Variants in RIOX1 observed in about 807,000 individuals in gnomAD.
RIOX1 encodes the protein 60S ribosomal protein L8 histidine hydroxylase.
A neutral mutation model predicts 44.6 loss-of-function variants in RIOX1; 33 were observed. The observed-to-expected ratio is 0.74, with a 90% CI of 0.56 to 0.99. The LOEUF (loss-of-function observed/expected upper bound fraction) is 0.99, where lower values mean the gene tolerates loss of function less well. Among genes scored for constraint, RIOX1 ranks in the 50% least tolerant of loss-of-function variants. RIOX1 has a pLI of 0.00. For missense variants in RIOX1, 821 were observed against 871.7 expected (o/e 0.94, Z 0.73); for synonymous variants, 387 against 395.8 (o/e 0.98, Z 0.26).
chr14:73,492,854 T>G lies in RIOX1; in HGVS notation c.1837T>G (p.Cys613Gly). Reference sequence around the variant, plus strand: ...GTTTGTGAGAGTGGGGGACCTGCCCTGTGACAGTGTGGAGGACCAGCTGTC... The same window carrying G: ...GTTTGTGAGAGTGGGGGACCTGCCCGGTGACAGTGTGGAGGACCAGCTGTC... Reference protein sequence around the residue: ...PEFVRVGDLPCDSVEDQLSLA... With the variant: ...PEFVRVGDLPGDSVEDQLSLA... The change falls in exon 1 of 1, where the codon TGT becomes GGT. Residue 613 changes from cysteine to glycine, a missense_variant. Coordinates refer to ENST00000304061, the MANE Select transcript of RIOX1 (RefSeq NM_024644.5). The surrounding 1 kb of genome is among the most constrained non-coding windows in gnomAD (Gnocchi z 4.9). 6.2e-7 allele frequency: 1 copy of G among 1,613,952 alleles called. No homozygotes were observed. The highest frequency in any genetic ancestry group is 8.5e-7 in the Non-Finnish European group (1 of 1,179,866).
In RIOX1 at chr14:73,492,384, G is replaced by T; in HGVS notation, c.1367G>T (p.Arg456Leu). ...ENVEFRRGLPRDFMDYMGAQH... is the reference protein window; with the variant it reads ...ENVEFRRGLPLDFMDYMGAQH... ...GTGGAGTTTCGGAGGGGTCTGCCCC[G>T]AGACTTCATGGATTACATGGGGGCC... The change falls in exon 1 of 1, where the codon CGA becomes CTA. Residue 456 changes from arginine (R) to leucine (L), a missense_variant. By Grantham distance (102) the Arg-to-Leu change is moderately radical. Around this residue, in one of 2 missense-constraint regions of RIOX1, gnomAD observed 267 missense variants for 340.5 expected, o/e 0.78. Transcript: ENST00000304061. The surrounding 1 kb of genome is among the most constrained non-coding windows in gnomAD (Gnocchi z 4.9). The T allele has an allele frequency of 6.2e-7, 1 of 1,613,868 alleles. No homozygotes were observed. The highest frequency in any genetic ancestry group is 8.5e-7 in the Non-Finnish European group (1 of 1,179,796).
rs1463758725 is a variant in RIOX1, at chr14:73,492,652, A to C, written c.1635A>C (p.Glu545Asp). The stretch of plus-strand genomic sequence containing the variant: ...ACGTGGGGGCCCAGTTGACAACAGA[A>C]ACAGAAGTCCATATGCTTCAGGATG... The part of the protein sequence containing the change: ...PVNVGAQLTT[E>D]TEVHMLQDGI... Residue 545 changes from glutamate to aspartate, a missense_variant, in exon 1 of 1, where the codon GAA becomes GAC. Transcript: ENST00000304061. This position sits in a 1 kb window ranked among gnomAD's most constrained non-coding sequence, Gnocchi z 4.9. 9 of 1,613,866 alleles carry C rather than the reference A, an allele frequency of 5.6e-6. No homozygotes were observed. The highest frequency in any genetic ancestry group is 1.6e-4 in the Middle Eastern group (1 of 6,084).
chr14:73,491,072 C>G lies in RIOX1; in HGVS notation c.55C>G (p.Arg19Gly), dbSNP rs770805382. Reference protein sequence around the residue: ...GPLRRGRPKRRRKPQPHSGSV... With the variant: ...GPLRRGRPKRGRKPQPHSGSV... ...GTTGAGGCGCGGGCGGCCGAAGCGC[C>G]GGCGCAAGCCCCAGCCACACAGCGG... The change falls in exon 1 of 1, where the codon CGG (arginine) becomes GGG (glycine). Residue 19 changes from arginine to glycine, a missense_variant. Coordinates refer to ENST00000304061, the MANE Select transcript of RIOX1 (RefSeq NM_024644.5). The G allele has an allele frequency of 3.1e-6, 5 of 1,594,832 alleles. No homozygotes were observed. The highest frequency in any genetic ancestry group is 3.4e-6 in the Non-Finnish European group (4 of 1,170,950).
chr14:73,492,850 G>A lies in RIOX1; in HGVS notation c.1833G>A (p.Leu611=), dbSNP rs905113343. The change falls in exon 1 of 1, where the codon CTG becomes CTA. Residue 611 remains leucine, a synonymous_variant. Transcript: ENST00000304061. This position sits in a 1 kb window ranked among gnomAD's most constrained non-coding sequence, Gnocchi z 4.9. ...CAGAGTTTGTGAGAGTGGGGGACCT[G>A]CCCTGTGACAGTGTGGAGGACCAGC... ...SYPEFVRVGD[L]PCDSVEDQLS... 3 of 1,613,952 alleles carry A rather than the reference G, an allele frequency of 1.9e-6. No individual in the cohort carries two copies. Among genetic ancestry groups the A allele is most frequent in the Non-Finnish European group, 2.5e-6 (3 of 1,179,870 alleles).
rs547403691 is a variant in RIOX1 at position 73,491,174 on chromosome 14, C to G, written c.157C>G (p.Leu53Val). ...LRSVVSRMAA[L>V]RTQTLPSENS... ...AAGTGTTGTATCCCGCATGGCAGCG[C>G]TGAGGACGCAGACGCTGCCTAGCGA... The change falls in exon 1 of 1, where the codon CTG becomes GTG. Residue 53 changes from leucine to valine, a missense_variant. Leu to Val is a conservative substitution (Grantham distance 32). Around this residue, in one of 2 missense-constraint regions of RIOX1, gnomAD observed 554 missense variants for 531.2 expected, o/e 1.04. Transcript: ENST00000304061. 1 of 1,601,956 alleles carries G rather than the reference C, an allele frequency of 6.2e-7. No individual in the cohort carries two copies.
In RIOX1 at chr14:73,491,434, G is replaced by C. The variant is rs553036407; in HGVS notation, c.417G>C (p.Pro139=). The C allele has an allele frequency of 7.4e-7, 1 of 1,360,314 alleles. No homozygotes were observed. Among genetic ancestry groups the C allele is most frequent in the Non-Finnish European group, 9.4e-7 (1 of 1,066,830 alleles). 84.3% of individuals were successfully genotyped at this position (1,360,314 alleles called of 1,614,324 possible). A position where few individuals can be genotyped will look rare whatever the true frequency, so the allele number is the denominator to read the frequency against. Residue 139 remains proline (P), a synonymous_variant, in exon 1 of 1, where the codon CCG becomes CCC. Coordinates refer to ENST00000304061, the MANE Select transcript of RIOX1 (RefSeq NM_024644.5). ...GCCTGGTGGAGGTGCCCGCCGCGCC[G>C]GTCCGGGTGGTGGAGACCTCGGCCC... The part of the protein sequence containing the change: ...PARLVEVPAA[P]VRVVETSALL...
In RIOX1 at chr14:73,492,993, T is replaced by A; in HGVS notation, c.*50T>A. ...GGCAGTAGTGATTCTCCGCTGCCAC[T>A]GCTACCTTTTTTTTTTTTTTTTCCT... On this transcript the variant is annotated 3_prime_UTR_variant, in exon 1 of 1. Coordinates refer to ENST00000304061, the MANE Select transcript of RIOX1 (RefSeq NM_024644.5). The surrounding 1 kb of genome is among the most constrained non-coding windows in gnomAD (Gnocchi z 4.9). 1.3e-6 allele frequency: 2 copies of A among 1,553,628 alleles called. No individual in the cohort carries two copies. The highest frequency in any genetic ancestry group is 8.6e-7 in the Non-Finnish European group (1 of 1,162,434).
rs1251714234 is a variant in RIOX1 at position 73,492,914 on chromosome 14, C to G, written c.1897C>G (p.Leu633Val). 1.2e-6 allele frequency: 2 copies of G among 1,613,688 alleles called. No individual in the cohort carries two copies. The highest frequency in any genetic ancestry group is 1.7e-6 in the Non-Finnish European group (2 of 1,179,798). The change falls in exon 1 of 1, where the codon CTC (leucine) becomes GTC (valine). Residue 633 changes from leucine to valine, a missense_variant. Transcript: ENST00000304061. The surrounding 1 kb of genome is among the most constrained non-coding windows in gnomAD (Gnocchi z 4.9). ...ATTLYDKGLLLTKMPLALN is the reference protein window; with the variant it reads ...ATTLYDKGLLVTKMPLALN Reference sequence around the variant, plus strand: ...CACGTTGTATGATAAGGGGCTGCTGCTCACTAAGATGCCTCTAGCCCTAAA... The same window carrying G: ...CACGTTGTATGATAAGGGGCTGCTGGTCACTAAGATGCCTCTAGCCCTAAA...
In RIOX1 at chr14:73,493,317, G is replaced by A. The variant is rs2140251875; in HGVS notation, c.*374G>A. The A allele has an allele frequency of 1.8e-6, 1 of 562,574 alleles. No homozygotes were observed. Among genetic ancestry groups the A allele is most frequent in the Non-Finnish European group, 3.2e-6 (1 of 311,112 alleles). The allele number at this position is 562,574 out of a possible 1,614,324, so 34.8% of individuals were successfully genotyped here. On this transcript the variant is annotated 3_prime_UTR_variant, in exon 1 of 1. Coordinates refer to ENST00000304061, the MANE Select transcript of RIOX1 (RefSeq NM_024644.5). The stretch of plus-strand genomic sequence containing the variant: ...TCATCTGAGTTCTTTTTCATGGGCG[G>A]GTCGGGGTCAGTATCCTGTTTGTTA...
chr14:73,491,673 A>G lies in RIOX1; in HGVS notation c.656A>G (p.Tyr219Cys), dbSNP rs1268374078. The part of the protein sequence containing the change: ...LIAPMPPDHF[Y>C]RRLWEREAVL... The stretch of plus-strand genomic sequence containing the variant: ...GCGCCCATGCCGCCAGATCACTTTT[A>G]CCGGCGCCTATGGGAGCGCGAGGCG... Residue 219 changes from tyrosine (Y) to cysteine (C), a missense_variant, in exon 1 of 1, where the codon TAC becomes TGC. Physicochemically the swap from Tyr to Cys is radical, Grantham distance 194. Around this residue, in one of 2 missense-constraint regions of RIOX1, gnomAD observed 554 missense variants for 531.2 expected, o/e 1.04. Transcript: ENST00000304061. 5 of 1,549,688 alleles carry G rather than the reference A, an allele frequency of 3.2e-6. No individual in the cohort carries two copies. The highest frequency in any genetic ancestry group is 3.5e-6 in the Non-Finnish European group (4 of 1,146,862).
Position 73,491,205 on chromosome 14 carries a change from C to G in RIOX1, c.188C>G (p.Ser63Trp), listed in dbSNP as rs1338934744. ...ACGCAGACGCTGCCTAGCGAGAACT[C>G]GGAGGAATCGAGGGTGGAGTCGACG... ...LRTQTLPSENSEESRVESTAD... is the reference protein window; with the variant it reads ...LRTQTLPSENWEESRVESTAD... Residue 63 changes from serine (S) to tryptophan (W), a missense_variant, in exon 1 of 1, where the codon TCG becomes TGG. Ser to Trp is a radical substitution (Grantham distance 177). Around this residue, in one of 2 missense-constraint regions of RIOX1, gnomAD observed 554 missense variants for 531.2 expected, o/e 1.04. Transcript: ENST00000304061. 2 of 1,593,918 alleles carry G rather than the reference C, an allele frequency of 1.3e-6. No homozygotes were observed. The highest frequency in any genetic ancestry group is 2.3e-5 in the East Asian group (1 of 43,642).
In RIOX1 at chr14:73,491,831, C is replaced by T; in HGVS notation, c.814C>T (p.Arg272Cys). The T allele has an allele frequency of 6.2e-7, 1 of 1,607,522 alleles. No individual in the cohort carries two copies. The highest frequency in any genetic ancestry group is 8.5e-7 in the Non-Finnish European group (1 of 1,177,520). The change falls in exon 1 of 1, where the codon CGC (arginine) becomes TGC (cysteine). Residue 272 changes from arginine (R) to cysteine (C), a missense_variant. This residue lies in a region of RIOX1 where 554 missense variants were observed against 531.2 expected (regional missense o/e 1.04). Coordinates refer to ENST00000304061, the MANE Select transcript of RIOX1 (RefSeq NM_024644.5). Reference protein sequence around the residue: ...LDAARYINGRRETLNPPGRAL... With the variant: ...LDAARYINGRCETLNPPGRAL... ...CGCCGCTCGCTACATCAACGGACGA[C>T]GCGAGACCCTGAACCCACCCGGCCG...
In RIOX1 at chr14:73,491,470, C is replaced by T. The variant is rs1207795214; in HGVS notation, c.453C>T (p.Thr151=). The T allele has an allele frequency of 2.7e-6, 4 of 1,483,020 alleles. No homozygotes were observed. The highest frequency in any genetic ancestry group is 2.5e-5 in the East Asian group (1 of 39,816). 91.9% of individuals were successfully genotyped at this position (1,483,020 alleles called of 1,614,324 possible). A position where few individuals can be genotyped will look rare whatever the true frequency, so the allele number is the denominator to read the frequency against. ...RVVETSALLC[T]AQHLAAVQSS... The stretch of plus-strand genomic sequence containing the variant: ...TGGAGACCTCGGCCCTGCTGTGCAC[C>T]GCGCAACACTTAGCGGCCGTCCAGT... Residue 151 remains threonine (T), a synonymous_variant, in exon 1 of 1, where the codon ACC becomes ACT. Transcript: ENST00000304061.
chr14:73,493,097 G>T lies in RIOX1; in HGVS notation c.*154G>T. 2 of 1,612,020 alleles carry T rather than the reference G, an allele frequency of 1.2e-6. No individual in the cohort carries two copies. Among genetic ancestry groups the T allele is most frequent in the Non-Finnish European group, 1.7e-6 (2 of 1,179,836 alleles). Reference sequence around the variant, plus strand: ...CACTGCTTCAGTGTCACAAACCTCGGAAGGTCTTCTAGGAAGAACCATCTC... The same window carrying T: ...CACTGCTTCAGTGTCACAAACCTCGTAAGGTCTTCTAGGAAGAACCATCTC... On this transcript the variant is annotated 3_prime_UTR_variant, in exon 1 of 1. Coordinates refer to ENST00000304061, the MANE Select transcript of RIOX1 (RefSeq NM_024644.5).
At position 73,493,110 on chromosome 14, in the gene RIOX1, G is replaced by C; in HGVS notation, c.*167G>C. Reference sequence around the variant, plus strand: ...TCACAAACCTCGGAAGGTCTTCTAGGAAGAACCATCTCATCTAGGTACAAA... The same window carrying C: ...TCACAAACCTCGGAAGGTCTTCTAGCAAGAACCATCTCATCTAGGTACAAA... On this transcript the variant is annotated 3_prime_UTR_variant, in exon 1 of 1. Transcript: ENST00000304061. The C allele has an allele frequency of 1.2e-6, 2 of 1,612,418 alleles. No homozygotes were observed. The highest frequency in any genetic ancestry group is 1.7e-6 in the Non-Finnish European group (2 of 1,179,810).
chr14:73,492,577 A>T lies in RIOX1; in HGVS notation c.1560A>T (p.Ala520=). ...LPPVLTDRER[A]LSVYGLPIRW... Reference sequence around the variant, plus strand: ...CTGTTTTGACTGATAGGGAGAGGGCACTAAGTGTTTACGGGCTTCCAATTC... The same window carrying T: ...CTGTTTTGACTGATAGGGAGAGGGCTCTAAGTGTTTACGGGCTTCCAATTC... The change falls in exon 1 of 1, where the codon GCA becomes GCT. Residue 520 remains alanine, a synonymous_variant. Coordinates refer to ENST00000304061, the MANE Select transcript of RIOX1 (RefSeq NM_024644.5). The surrounding 1 kb of genome is among the most constrained non-coding windows in gnomAD (Gnocchi z 4.9). The T allele has an allele frequency of 6.2e-7, 1 of 1,613,920 alleles. No homozygotes were observed. The highest frequency in any genetic ancestry group is 1.1e-5 in the South Asian group (1 of 91,078).
In RIOX1 at chr14:73,492,782, C is replaced by G; in HGVS notation, c.1765C>G (p.Pro589Ala). The G allele has an allele frequency of 6.2e-7, 1 of 1,613,876 alleles. No individual in the cohort carries two copies. The highest frequency in any genetic ancestry group is 1.1e-5 in the South Asian group (1 of 91,070). ...AGAACCCAAGTGCTTGGAAATATAC[C>G]CCCAGCAAGCTGATGCCATGGAACT... ...LEEPKCLEIY[P>A]QQADAMELLL... The change falls in exon 1 of 1, where the codon CCC (proline) becomes GCC (alanine). Residue 589 changes from proline (P) to alanine (A), a missense_variant. By Grantham distance (27) the Pro-to-Ala change is conservative (BLOSUM62 -1). This residue lies in a region of RIOX1 where 267 missense variants were observed against 340.5 expected (regional missense o/e 0.78). Coordinates refer to ENST00000304061, the MANE Select transcript of RIOX1 (RefSeq NM_024644.5). This position sits in a 1 kb window ranked among gnomAD's most constrained non-coding sequence, Gnocchi z 4.9.
rs866520678 is a variant in RIOX1, at chr14:73,491,641, G to A, written c.624G>A (p.Trp208Ter). The A allele has an allele frequency of 6.5e-7, 1 of 1,549,880 alleles. No homozygotes were observed. The highest frequency in any genetic ancestry group is 8.7e-7 in the Non-Finnish European group (1 of 1,147,438). ...SRRRAARLFE[W>*]LIAPMPPDHF... Reference sequence around the variant, plus strand: ...GGCGAGCGGCCCGCCTCTTTGAGTGGCTCATCGCGCCCATGCCGCCAGATC... The same window carrying A: ...GGCGAGCGGCCCGCCTCTTTGAGTGACTCATCGCGCCCATGCCGCCAGATC... The change falls in exon 1 of 1, where the codon TGG becomes TGA. Residue 208 changes from tryptophan to a stop codon, truncating the protein, a stop_gained. Transcript: ENST00000304061. LOFTEE classifies it high-confidence loss of function.
chr14:73,491,329 G>A lies in RIOX1; in HGVS notation c.312G>A (p.Glu104=). 6.8e-7 allele frequency: 1 copy of A among 1,472,638 alleles called. No individual in the cohort carries two copies. The highest frequency in any genetic ancestry group is 9.0e-7 in the Non-Finnish European group (1 of 1,113,128). 91.2% of individuals were successfully genotyped at this position (1,472,638 alleles called of 1,614,324 possible). ...CATACGGCCACCTGGGGCCCGCAGA[G>A]CTGCTGGAGGCCTCGCCCGCCGCGC... is the stretch of plus-strand genomic sequence containing the variant. The part of the protein sequence containing the change: ...REPYGHLGPA[E]LLEASPAARS... The change falls in exon 1 of 1, where the codon GAG becomes GAA. Residue 104 remains glutamate (E), a synonymous_variant. Transcript: ENST00000304061.
Sources: allele counts gnomAD v4.1 joint callset, GRCh38; gene constraint gnomAD v4.1.1; regional missense constraint gnomAD v4.1.1; non-coding constraint Gnocchi (gnomAD v3.1); transcripts MANE v1.5; gene names NCBI Gene and HGNC (gene_info 2026-07-23, HGNC 2026-07-21).